Variants in PTCHD4 observed in about 807,000 individuals in gnomAD.
PTCHD4 encodes patched domain containing 4, also known as patched domain-containing protein 4.
Under a neutral mutation model 58.1 loss-of-function variants are expected in PTCHD4, and 33 were observed. That is an observed-to-expected ratio of 0.57 (90% CI 0.43 to 0.76). PTCHD4 has a LOEUF of 0.76. PTCHD4 is among the 30% of genes least tolerant of loss of function. The pLI is 0.00. For missense variants in PTCHD4, 1,058 were observed against 1,027.1 expected (o/e 1.03, Z -0.41); for synonymous variants, 478 against 409.6 (o/e 1.17, Z -2.02).
At chr6:47,904,865 T>A (rs1054245419) in intron 4 of PTCHD4, among the ~76,000 whole-genome samples, 4 of 151,910 alleles carry the variant, frequency 2.6e-5, no homozygotes, top group African/African-American at 9.7e-5. Flanking sequence ...AGGCTTAGAG[T>A]TCAATGGTGA....
chr6:47,991,278 A>C (rs1292954621), intron 4 of PTCHD4, among the ~76,000 whole-genome samples: 1 of 152,172 alleles, frequency 6.6e-6, no homozygotes, highest in Non-Finnish European at 1.5e-5. Context: ...ACAAAGAAGA[A>C]TCTTATAAGC....
At position 47,869,809 on chromosome 6, in the gene PTCHD4, G is replaced by A. The variant is rs367747527; in HGVS notation, c.*8494C>T. Among the ~76,000 whole-genome samples, 8 of 151,624 alleles carry A rather than the reference G, an allele frequency of 5.3e-5. No homozygotes were observed. Among genetic ancestry groups the A allele is most frequent in the African/African-American group, 1.9e-4 (8 of 41,374 alleles). On this transcript the variant is annotated 3_prime_UTR_variant, in exon 5 of 5. Coordinates refer to ENST00000339488, the MANE Select transcript of PTCHD4 (RefSeq NM_001384253.1). ...AGATTATGTTATTTTACATTGTGAT[G>A]TTATAAGATGTTTTGTTTAGGAAGT...
At position 47,878,803 on chromosome 6, in the gene PTCHD4, G is replaced by A. The variant is rs1175387226; in HGVS notation, c.2032C>T (p.His678Tyr). ...ATTAGCCAGAAGTTTCCCAGAGGGT[G>A]GATCACTAGGAAAAAAGTCAGGATT... The part of the protein sequence containing the change: ...VLILTFFLVI[H>Y]PLGNFWLILS... Residue 678 changes from histidine to tyrosine, a missense_variant, in exon 5 of 5, where the codon CAC becomes TAC. Transcript: ENST00000339488. 3.7e-6 allele frequency: 6 copies of A among 1,613,606 alleles called. 1 individual carries two copies. The Admixed American group carries it at 5.0e-5, about 13-fold the overall frequency.
At chr6:47,960,023 C>T (rs1408268648) in intron 4 of PTCHD4, among the ~76,000 whole-genome samples, 1 of 151,808 alleles carries the variant, frequency 6.6e-6, no homozygotes, top group African/African-American at 2.4e-5. Flanking sequence ...TGGTTAATGA[C>T]ATATGTAAAA....
rs1282703224 is a variant in PTCHD4, at chr6:47,899,566, G to T, written c.899-19630C>A. On this transcript the variant is annotated intron_variant, in intron 4 of 4. Coordinates refer to ENST00000339488, the MANE Select transcript of PTCHD4 (RefSeq NM_001384253.1). The stretch of plus-strand genomic sequence containing the variant: ...TTTGCATGTTATCCTAATAAGGTTT[G>T]CAAATGAAGTAGAAAAAAAGAAATG... 4.1e-6 allele frequency: 4 copies of T among 983,040 alleles called. No individual in the cohort carries two copies. In the African/African-American group the frequency reaches 7.0e-5, roughly 17 times the overall value. 60.9% of individuals were successfully genotyped at this position (983,040 alleles called of 1,614,324 possible). A position where few individuals can be genotyped will look rare whatever the true frequency, so the allele number is the denominator to read the frequency against.
rs542132685 is a variant in PTCHD4, at chr6:47,956,732, C to T, written c.898+51902G>A. Among the ~76,000 whole-genome samples the T allele has an allele frequency of 2.8e-4, 42 of 151,906 alleles. No individual in the cohort carries two copies. In the South Asian group the frequency reaches 8.1e-3, roughly 29 times the overall value. On this transcript the variant is annotated intron_variant, in intron 4 of 4. Transcript: ENST00000339488. ...ACAGGCGTGAGCCACTGCTCCTGGC[C>T]GAGAGTATGGTTTTTAAAAGCTATT...
chr6:47,890,134 T>G (rs1764331226), intron 4 of PTCHD4, among the ~76,000 whole-genome samples: 1 of 151,942 alleles, frequency 6.6e-6, no homozygotes, highest in Non-Finnish European at 1.5e-5. Flanking sequence ...AGTATATGTG[T>G]GTGTGTTTAT....
rs960161997 is a variant in PTCHD4 at position 47,867,895 on chromosome 6, G to A, written c.*10408C>T. On this transcript the variant is annotated 3_prime_UTR_variant, in exon 5 of 5. Transcript: ENST00000339488. ...CCAATATAGGTGCTCCTAAATATGA[G>A]GTAAGTAAATAGGTACAATCACAAG... is the stretch of plus-strand genomic sequence containing the variant. Among the ~76,000 whole-genome samples, 1 of 151,644 alleles carries A rather than the reference G, an allele frequency of 6.6e-6. No homozygotes were observed. Among genetic ancestry groups the A allele is most frequent in the Non-Finnish European group, 1.5e-5 (1 of 67,772 alleles).
At chr6:48,015,720 T>G (rs1762844828) in intron 3 of PTCHD4, among the ~76,000 whole-genome samples, 2 of 152,024 alleles carry the variant, frequency 1.3e-5, no homozygotes, top group Admixed American at 1.3e-4. Context: ...TGAAATGATC[T>G]TATTTTATCA....
At chr6:47,941,017 C>A (rs796284399) in intron 4 of PTCHD4, among the ~76,000 whole-genome samples, 1 of 152,142 alleles carries the variant, frequency 6.6e-6, no homozygotes, top group African/African-American at 2.4e-5. Context: ...CCTACACAGC[C>A]ACCATATCAA....
intron 3 of PTCHD4, among the ~76,000 whole-genome samples, chr6:48,064,763 G>C (rs771865672): frequency 2.6e-5 from 4 of 152,120 alleles, no homozygotes; most frequent in Admixed American, 1.3e-4. Context: ...GATTGGGTTG[G>C]GGTGGGGAAA....
rs138238854 is a variant in PTCHD4 at position 48,035,413 on chromosome 6, C to T, written c.418-26299G>A. ...CTCACCTGAGAACTTGGTAGAACTG[C>T]CAGTTCTCTGAATTATGATTCAGAA... On this transcript the variant is annotated intron_variant, in intron 3 of 4. Coordinates refer to ENST00000339488, the MANE Select transcript of PTCHD4 (RefSeq NM_001384253.1). Among the ~76,000 whole-genome samples, 566 of 152,122 alleles carry T rather than the reference C, an allele frequency of 3.7e-3. 5 individuals carry two copies. The highest frequency in any genetic ancestry group is 0.013 in the African/African-American group (534 of 41,494).
Position 47,874,413 on chromosome 6 carries a change from G to C in PTCHD4, c.*3890C>G, listed in dbSNP as rs1025286917. 2.0e-5 allele frequency among the ~76,000 whole-genome samples: 3 copies of C among 151,694 alleles called. No homozygotes were observed. Among genetic ancestry groups the C allele is most frequent in the Admixed American group, 1.3e-4 (2 of 15,186 alleles). On this transcript the variant is annotated 3_prime_UTR_variant, in exon 5 of 5. Transcript: ENST00000339488. ...TACTATTAATAACAAAGCATGCATA[G>C]TGCCGTGCATTCATAACTATTTGGT...
At chr6:48,086,228 C>T (rs1765260933) in intron 1 of PTCHD4, among the ~76,000 whole-genome samples, 1 of 152,146 alleles carries the variant, frequency 6.6e-6, no homozygotes, top group Non-Finnish European at 1.5e-5. Context: ...GCGTTATGTC[C>T]TAATAAAAGT....
At chr6:48,027,208 T>C (rs200922153) in intron 3 of PTCHD4, among the ~76,000 whole-genome samples, 2 of 152,232 alleles carry the variant, frequency 1.3e-5, no homozygotes, top group East Asian at 3.9e-4. Context: ...CTATTCAAAT[T>C]GGCTAAGAGA....
chr6:47,994,245 C>T (rs922065596), intron 4 of PTCHD4, among the ~76,000 whole-genome samples: 1 of 152,102 alleles, frequency 6.6e-6, no homozygotes, highest in African/African-American at 2.4e-5. Flanking sequence ...AATATGGTGG[C>T]AATGGAGAGG....
chr6:48,014,133 T>C (rs1351516470), intron 3 of PTCHD4, among the ~76,000 whole-genome samples: 1 of 152,158 alleles, frequency 6.6e-6, no homozygotes, highest in Non-Finnish European at 1.5e-5. Context: ...CATATTTTTC[T>C]CTATGCATCA....
intron 4 of PTCHD4, among the ~76,000 whole-genome samples, chr6:47,962,674 G>A (rs932068516): frequency 4.6e-5 from 7 of 152,040 alleles, no homozygotes; most frequent in Admixed American, 3.9e-4. Flanking sequence ...GTTTCCTGAG[G>A]CCTCCTCAGC....
intron 4 of PTCHD4, among the ~76,000 whole-genome samples, chr6:47,928,097 A>G (rs116623959): frequency 0.017 from 2,645 of 152,272 alleles, 38 homozygotes; most frequent in Non-Finnish European, 0.026. Context: ...TGAGGCGTGG[A>G]GGGATTCCTT....
Sources: allele counts gnomAD v4.1 joint callset (sites outside exome capture counted in the v4.1 genomes callset), GRCh38; gene constraint gnomAD v4.1.1; transcripts MANE v1.5; gene names NCBI Gene and HGNC (gene_info 2026-07-23, HGNC 2026-07-21).